SHQ1: variants seen among roughly 807,000 people sequenced by gnomAD.
SHQ1 encodes the protein SHQ1, H/ACA ribonucleoprotein assembly factor, also known as protein SHQ1 homolog.
Under a neutral mutation model 53.8 loss-of-function variants are expected in SHQ1, and 49 were observed. That is an observed-to-expected ratio of 0.91 (90% CI 0.72 to 1.16). The LOEUF (loss-of-function observed/expected upper bound fraction) is 1.16. Ranked by LOEUF, SHQ1 falls within the 50% of genes most tolerant of loss-of-function variation. The pLI, the probability that SHQ1 is intolerant of heterozygous loss-of-function variation, is 0.00. For missense variants in SHQ1, 738 were observed against 683.1 expected (o/e 1.08, Z -0.90); for synonymous variants, 243 against 251.0 (o/e 0.97, Z 0.30).
At chr3:72,736,664 G>A in the SHQ1 span, among the ~76,000 whole-genome samples, 1 of 147,994 alleles carries the variant, frequency 6.8e-6, no homozygotes, top group African/African-American at 2.5e-5. Context: ...ATGGTGGCAG[G>A]CACCTGTAAT....
intron 4 of SHQ1, among the ~76,000 whole-genome samples, chr3:72,833,550 T>C (rs1011532044): frequency 7.6e-6 from 1 of 132,326 alleles, no homozygotes; most frequent in Non-Finnish European, 1.8e-5. Flanking sequence ...GATAGATAGA[T>C]AGATAGATAG....
rs1705324552 is a variant in SHQ1 at position 72,749,683 on chromosome 3, T to C, written c.*601A>G. The C allele has an allele frequency of 4.8e-6, 1 of 210,168 alleles. No individual in the cohort carries two copies. Among genetic ancestry groups the C allele is most frequent in the South Asian group, 1.9e-4 (1 of 5,378 alleles). 13.0% of individuals were successfully genotyped at this position (210,168 alleles called of 1,614,324 possible). ...TGGGTGTCAAGTACACCTCCTAAAA[T>C]AAAAATATTGATGGGCTCTACATTC... On this transcript the variant is annotated 3_prime_UTR_variant, in exon 11 of 11. Coordinates refer to ENST00000325599, the MANE Select transcript of SHQ1 (RefSeq NM_018130.3).
At chr3:72,738,495 G>T in the SHQ1 span, among the ~76,000 whole-genome samples, 6 of 152,138 alleles carry the variant, frequency 3.9e-5, no homozygotes, top group Admixed American at 3.3e-4. Flanking sequence ...AGATAAGCTT[G>T]TGAATTTAGG....
At chr3:72,814,426 G>C (rs1707241909) in intron 8 of SHQ1, 1 of 152,188 alleles carries the variant, frequency 6.6e-6, no homozygotes, top group Admixed American at 6.5e-5. Flanking sequence ...AGTGTGAGGT[G>C]GGACTGAAAT....
Position 72,792,951 on chromosome 3 carries a change from G to A in SHQ1, c.1146C>T (p.Tyr382=), listed in dbSNP as rs1343794638. 4.3e-6 allele frequency: 7 copies of A among 1,611,632 alleles called. No individual in the cohort carries two copies. The Admixed American group carries it at 1.2e-4, about 27-fold the overall frequency. Residue 382 remains tyrosine, a synonymous_variant, in exon 10 of 11, where the codon TAC becomes TAT. Coordinates refer to ENST00000325599, the MANE Select transcript of SHQ1 (RefSeq NM_018130.3). The part of the protein sequence containing the change: ...NDPAYILNDL[Y]ISDYCVWIQK... The stretch of plus-strand genomic sequence containing the variant: ...GAATCCACACACAGTAGTCTGAGAT[G>A]TAGAGATCATTCAGTATGTACGCTG...
rs1575730332 is a variant in SHQ1 at position 72,830,336 on chromosome 3, C to G, written c.599+2033G>C. Among the ~76,000 whole-genome samples, 3 of 151,914 alleles carry G rather than the reference C, an allele frequency of 2.0e-5. No homozygotes were observed. The South Asian group carries it at 6.2e-4, about 32-fold the overall frequency. ...AACACTATGACTTGTAAAGACAAGT[C>G]AAACAACTTACAAATAGGTAATATT... is the stretch of plus-strand genomic sequence containing the variant. On this transcript the variant is annotated intron_variant, in intron 5 of 10. Transcript: ENST00000325599.
At position 72,848,287 on chromosome 3, in the gene SHQ1, G is replaced by C. The variant is rs1708418338; in HGVS notation, c.54C>G (p.Ala18=). The C allele has an allele frequency of 6.2e-7, 1 of 1,614,066 alleles. No individual in the cohort carries two copies. Among genetic ancestry groups the C allele is most frequent in the Admixed American group, 1.7e-5 (1 of 60,006 alleles). The part of the protein sequence containing the change: ...LSQDPDFLTI[A]IRVPYARVSE... Reference sequence around the variant, plus strand: ...AGACCCGGGCGTAGGGCACGCGGATGGCGATAGTCAGGAAGTCCGGATCCT... The same window carrying C: ...AGACCCGGGCGTAGGGCACGCGGATCGCGATAGTCAGGAAGTCCGGATCCT... Residue 18 remains alanine, a synonymous_variant, in exon 1 of 11, where the codon GCC becomes GCG. Coordinates refer to ENST00000325599, the MANE Select transcript of SHQ1 (RefSeq NM_018130.3).
intron 8 of SHQ1, among the ~76,000 whole-genome samples, chr3:72,814,875 A>C (rs1707259763): frequency 6.6e-6 from 1 of 152,200 alleles, no homozygotes; most frequent in South Asian, 2.1e-4. Flanking sequence ...AAGGATCCTC[A>C]CCTGTAAAAC....
At chr3:72,751,508 G>GTGTGTGTGTGTA (rs1210782182) in intron 10 of SHQ1, among the ~76,000 whole-genome samples, 4 of 116,984 alleles carry the variant, frequency 3.4e-5, no homozygotes, top group African/African-American at 1.8e-4. Flanking sequence ...GTGTGTGTGT[G>GTGTGTGTGTGTA]TATATATATA....
intron 10 of SHQ1, among the ~76,000 whole-genome samples, chr3:72,763,428 G>C (rs1238857923): frequency 6.6e-6 from 1 of 152,216 alleles, no homozygotes; most frequent in Non-Finnish European, 1.5e-5. Flanking sequence ...GTGGAGGTCA[G>C]CCAACTAAAT....
chr3:72,729,294 G>A, the SHQ1 span, among the ~76,000 whole-genome samples: 16 of 152,134 alleles, frequency 1.1e-4, no homozygotes, highest in Non-Finnish European at 1.5e-5. Flanking sequence ...ACAGGCCTCC[G>A]AACTTAAGCA....
At chr3:72,821,018 T>A (rs944638888) in intron 6 of SHQ1, among the ~76,000 whole-genome samples, 1 of 152,206 alleles carries the variant, frequency 6.6e-6, no homozygotes, top group African/African-American at 2.4e-5. Context: ...ATCCCTCTTA[T>A]CTGGGTCAAC....
chr3:72,834,912 C>G (rs1004777139), intron 4 of SHQ1, among the ~76,000 whole-genome samples: 1 of 152,078 alleles, frequency 6.6e-6, no homozygotes, highest in African/African-American at 2.4e-5. Context: ...CAAACTTGGG[C>G]TTAACACAAT....
intron 10 of SHQ1, among the ~76,000 whole-genome samples, chr3:72,754,349 G>C (rs533460270): frequency 4.0e-5 from 6 of 151,550 alleles, no homozygotes; most frequent in Non-Finnish European, 1.5e-5. Context: ...GAATATACAG[G>C]CTCTGCAAAG....
At chr3:72,751,496 G>GTACATATATATA (rs1372925082) in intron 10 of SHQ1, among the ~76,000 whole-genome samples, 5,068 of 116,244 alleles carry the variant, frequency 0.044, 341 homozygotes, top group Non-Finnish European at 0.052. Context: ...GTGTGTGTGT[G>GTACATATATATA]TGTGTGTGTG....
chr3:72,769,257 GT>G (rs1221241807), intron 10 of SHQ1, among the ~76,000 whole-genome samples: 2 of 152,168 alleles, frequency 1.3e-5, no homozygotes, highest in Non-Finnish European at 2.9e-5. Flanking sequence ...CAGAACTTCC[GT>G]TATTTCAAGA....
At chr3:72,804,057 T>C (rs1189547778) in intron 9 of SHQ1, among the ~76,000 whole-genome samples, 2 of 152,094 alleles carry the variant, frequency 1.3e-5, no homozygotes, top group Admixed American at 6.6e-5. Context: ...GTTAGGACTA[T>C]AGGCACACAC....
the SHQ1 span, among the ~76,000 whole-genome samples, chr3:72,733,631 C>T: frequency 6.6e-6 from 1 of 151,462 alleles, no homozygotes; most frequent in Non-Finnish European, 1.5e-5. Context: ...AGGATTATCA[C>T]CCACATTTCA....
intron 10 of SHQ1, among the ~76,000 whole-genome samples, chr3:72,768,872 G>A (rs2106734648): frequency 6.6e-6 from 1 of 152,310 alleles, no homozygotes; most frequent in East Asian, 1.9e-4. Flanking sequence ...GAACCCCGCT[G>A]CAGCTTCCAA....
Sources: allele counts gnomAD v4.1 joint callset (sites outside exome capture counted in the v4.1 genomes callset), GRCh38; gene constraint gnomAD v4.1.1; transcripts MANE v1.5; gene names NCBI Gene and HGNC (gene_info 2026-07-23, HGNC 2026-07-21).